DLGAP1: variants seen among roughly 807,000 people sequenced by gnomAD.
DLGAP1 encodes DLG associated protein 1.
In DLGAP1, 11 loss-of-function variants were observed where a neutral mutation model predicts 90.8. The observed-to-expected ratio is 0.12, with a 90% confidence interval of 0.08 to 0.20. DLGAP1 has a LOEUF of 0.20. Among genes scored for constraint, DLGAP1 ranks in the 10% least tolerant of loss-of-function variants. The pLI is 1.00. For missense variants in DLGAP1, 1,050 were observed against 1,333.8 expected (o/e 0.79, Z 3.31); for synonymous variants, 558 against 540.7 (o/e 1.03, Z -0.44).
At chr18:3,676,844 T>C (rs987514572) in intron 7 of DLGAP1, among the ~76,000 whole-genome samples, 2 of 152,144 alleles carry the variant, frequency 1.3e-5, no homozygotes, top group Non-Finnish European at 2.9e-5. Context: ...AAACTCTCTC[T>C]CCTATCTGCG....
intron 6 of DLGAP1, among the ~76,000 whole-genome samples, chr18:3,735,720 AC>A (rs11330615): frequency 0.22 from 33,786 of 152,072 alleles, 4,616 homozygotes; most frequent in East Asian, 0.5. Context: ...AAGCAAGGCT[AC>A]TAGCATGTAT....
At chr18:3,807,186 G>A (rs1003215799) in intron 5 of DLGAP1, among the ~76,000 whole-genome samples, 6 of 152,116 alleles carry the variant, frequency 3.9e-5, no homozygotes, top group Non-Finnish European at 8.8e-5. Context: ...GGCTTCTGAC[G>A]CCCCTTCAAA....
intron 1 of DLGAP1, among the ~76,000 whole-genome samples, chr18:4,381,806 T>C (rs1393299289): frequency 6.6e-6 from 1 of 152,158 alleles, no homozygotes; most frequent in Non-Finnish European, 1.5e-5. Flanking sequence ...TTAGTCTGTT[T>C]TCATGCTGCT....
chr18:4,332,427 GGTT>G (rs1338669984), intron 1 of DLGAP1, among the ~76,000 whole-genome samples: 1 of 151,618 alleles, frequency 6.6e-6, no homozygotes, highest in African/African-American at 2.4e-5. Context: ...GTAATAACAA[GGTT>G]TTTTTTTAAA....
At position 4,335,888 on chromosome 18, in the gene DLGAP1, T is replaced by C. The variant is rs564898377; in HGVS notation, c.-267+119118A>G. On this transcript the variant is annotated intron_variant, in intron 1 of 12. Coordinates refer to ENST00000315677, the MANE Select transcript of DLGAP1 (RefSeq NM_004746.4). ...AAATTCTATCAGCAATTTATCATAT[T>C]CAGGTATTTAAAGTGTGCATATGAA... Among the ~76,000 whole-genome samples, 102 of 152,354 alleles carry C rather than the reference T, an allele frequency of 6.7e-4. 1 individual carries two copies. The highest frequency in any genetic ancestry group is 1.2e-3 in the Non-Finnish European group (79 of 68,038).
chr18:4,189,542 C>T (rs2077357153), intron 1 of DLGAP1, among the ~76,000 whole-genome samples: 1 of 152,040 alleles, frequency 6.6e-6, no homozygotes, highest in African/African-American at 2.4e-5. Flanking sequence ...CCAGTTTCCC[C>T]AGCTCAATCA....
chr18:3,678,955 A>G (rs1042924135), intron 7 of DLGAP1, among the ~76,000 whole-genome samples: 5 of 152,234 alleles, frequency 3.3e-5, no homozygotes, highest in African/African-American at 7.2e-5. Flanking sequence ...AGGAACAGCT[A>G]TAACTATCAC....
chr18:4,322,124 C>G (rs181422776), intron 1 of DLGAP1, among the ~76,000 whole-genome samples: 1 of 151,786 alleles, frequency 6.6e-6, no homozygotes, highest in Non-Finnish European at 1.5e-5. Context: ...GGCTTGAACC[C>G]GGGAGGCTGA....
rs531256026 is a variant in DLGAP1 at position 3,658,131 on chromosome 18, A to G, written c.1591+71004T>C. Among the ~76,000 whole-genome samples the G allele has an allele frequency of 5.9e-5, 9 of 152,330 alleles. No individual in the cohort carries two copies. In the South Asian group the frequency reaches 1.7e-3, roughly 28 times the overall value. On this transcript the variant is annotated intron_variant, in intron 7 of 12. Transcript: ENST00000315677. ...CCATGGCATATTTGTCACTGTACAT[A>G]AAGTTGGGCAGAGATGTGCAGTGAT...
chr18:4,070,797 A>G (rs150119939), intron 2 of DLGAP1, among the ~76,000 whole-genome samples: 128 of 152,288 alleles, frequency 8.4e-4, no homozygotes, highest in African/African-American at 3.0e-3. Flanking sequence ...AACAATACGT[A>G]TAAGAAGTTA....
chr18:3,642,445 C>G, intron 7 of DLGAP1, among the ~76,000 whole-genome samples: 1 of 152,258 alleles, frequency 6.6e-6, no homozygotes, highest in South Asian at 2.1e-4. Context: ...CACTATGCAC[C>G]ATCTCCCTCA....
chr18:4,177,666 GT>G (rs2144633970), intron 1 of DLGAP1, among the ~76,000 whole-genome samples: 1 of 152,138 alleles, frequency 6.6e-6, no homozygotes, highest in African/African-American at 2.4e-5. Context: ...CCTTCTTTGT[GT>G]CTATGTATAC....
intron 5 of DLGAP1, among the ~76,000 whole-genome samples, chr18:3,747,925 T>A (rs1426959315): frequency 6.6e-6 from 1 of 152,210 alleles, no homozygotes; most frequent in Non-Finnish European, 1.5e-5. Context: ...GTGCTCCGGA[T>A]GCAGAAACGC....
chr18:3,717,511 C>A (rs1221432331), intron 7 of DLGAP1, among the ~76,000 whole-genome samples: 1 of 152,146 alleles, frequency 6.6e-6, no homozygotes. Flanking sequence ...TCACCCATTT[C>A]TAGAGGTTCT....
At chr18:4,223,236 A>C (rs959822754) in intron 1 of DLGAP1, among the ~76,000 whole-genome samples, 1 of 152,194 alleles carries the variant, frequency 6.6e-6, no homozygotes, top group Non-Finnish European at 1.5e-5. Context: ...TAAACATATA[A>C]AAATACATTT....
intron 1 of DLGAP1, among the ~76,000 whole-genome samples, chr18:4,318,339 G>A (rs750888536): frequency 3.9e-5 from 6 of 152,114 alleles, no homozygotes; most frequent in African/African-American, 1.4e-4. Context: ...TTACAAATAC[G>A]TATAGAGAAT....
chr18:3,865,154 A>C (rs1389003695), intron 4 of DLGAP1, among the ~76,000 whole-genome samples: 2 of 152,222 alleles, frequency 1.3e-5, no homozygotes, highest in African/African-American at 4.8e-5. Flanking sequence ...GAAGACTCCT[A>C]GTTTACTTCC....
At chr18:3,689,479 G>T (rs1414231797) in intron 7 of DLGAP1, among the ~76,000 whole-genome samples, 1 of 152,066 alleles carries the variant, frequency 6.6e-6, no homozygotes, top group Admixed American at 6.5e-5. Context: ...TCAGACAAAC[G>T]GTATCATTGT....
intron 7 of DLGAP1, among the ~76,000 whole-genome samples, chr18:3,640,742 C>T (rs1628281): frequency 0.15 from 23,285 of 152,256 alleles, 2,377 homozygotes; most frequent in African/African-American, 0.29. Flanking sequence ...TTACAGCAAA[C>T]CTTATGTCTG....
Sources: allele counts gnomAD v4.1 joint callset (sites outside exome capture counted in the v4.1 genomes callset), GRCh38; gene constraint gnomAD v4.1.1; transcripts MANE v1.5; gene names NCBI Gene and HGNC (gene_info 2026-07-23, HGNC 2026-07-21).